The following ERCC8 variants were observed in gnomAD, a reference collection of about 807,000 sequenced individuals.
ERCC8 encodes the protein DNA excision repair protein ERCC-8.
Under a neutral mutation model 54.9 loss-of-function variants are expected in ERCC8, and 52 were observed. That is an observed-to-expected ratio of 0.95 (90% CI 0.76 to 1.19). ERCC8 has a LOEUF of 1.19. Among genes scored for constraint, ERCC8 ranks in the 50% most tolerant of loss-of-function variants. The probability of loss-of-function intolerance (pLI) is 0.00; values close to 1 mark genes in which losing one functional copy is unlikely to be tolerated. For synonymous variants in ERCC8, 146 were observed against 157.2 expected (o/e 0.93, Z 0.53); for missense variants, 514 against 466.1 (o/e 1.10, Z -0.95).
At chr5:60,927,903 G>C (rs1466048689) in intron 2 of ERCC8, among the ~76,000 whole-genome samples, 1 of 152,140 alleles carries the variant, frequency 6.6e-6, no homozygotes, top group African/African-American at 2.4e-5. Context: ...AGTAAAAAGT[G>C]GAAGTTTATC....
intron 5 of ERCC8, among the ~76,000 whole-genome samples, 144 bp downstream of exon 5, chr5:60,904,628 GTGTGTGTATATATATATATA>G (rs1196845966): frequency 0.018 from 1,225 of 67,800 alleles, 79 homozygotes; most frequent in African/African-American, 0.045. Context: ...TATAGTGTGT[GTGTGTGTATATATATATATA>G]TATATATATA....
intron 2 of ERCC8, among the ~76,000 whole-genome samples, chr5:60,923,520 C>T (rs1470900512): frequency 6.6e-6 from 1 of 151,944 alleles, no homozygotes; most frequent in Non-Finnish European, 1.5e-5. Flanking sequence ...TAGGAAATAA[C>T]AATAGTTGAT....
intron 11 of ERCC8, among the ~76,000 whole-genome samples, chr5:60,885,094 C>A (rs1395190200): frequency 6.6e-6 from 1 of 151,924 alleles, no homozygotes; most frequent in East Asian, 1.9e-4. Context: ...CTCACTGTAG[C>A]CTTGAACTCT....
chr5:60,885,714 T>C (rs1748374511), intron 11 of ERCC8, among the ~76,000 whole-genome samples: 1 of 151,656 alleles, frequency 6.6e-6, no homozygotes, highest in African/African-American at 2.4e-5. Flanking sequence ...TATTTTTTTC[T>C]CTTTATTTGG....
At chr5:60,899,515 A>C (rs1748811425) in intron 8 of ERCC8, 112 bp downstream of exon 8, 3 of 756,896 alleles carry the variant, frequency 4.0e-6, no homozygotes, top group Non-Finnish European at 7.0e-6. Flanking sequence ...CCTTTTGAAA[A>C]ATCATAAAGT....
chr5:60,922,768 C>T (rs1235496066), intron 2 of ERCC8, among the ~76,000 whole-genome samples: 2 of 152,154 alleles, frequency 1.3e-5, no homozygotes. Flanking sequence ...TCTGCTAAAA[C>T]AACTGTCAAC....
chr5:60,944,437 G>C (rs1350454871), intron 1 of ERCC8, among the ~76,000 whole-genome samples: 1 of 152,088 alleles, frequency 6.6e-6, no homozygotes, highest in Non-Finnish European at 1.5e-5. Context: ...TCCTCATCTA[G>C]TTTCTGTCTA....
At chr5:60,881,736 C>T (rs866384606) in intron 11 of ERCC8, among the ~76,000 whole-genome samples, 5 of 152,132 alleles carry the variant, frequency 3.3e-5, no homozygotes, top group Non-Finnish European at 5.9e-5. Flanking sequence ...GGGAGTGACC[C>T]GATTTTCCAG....
chr5:60,881,475 C>A (rs4546327), intron 11 of ERCC8, among the ~76,000 whole-genome samples: 2 of 152,162 alleles, frequency 1.3e-5, no homozygotes, highest in Admixed American at 6.5e-5. Context: ...CTACAGAGGC[C>A]GGCAGGCCTC....
At chr5:60,909,278 A>AAAAAAAAG (rs1749180489) in intron 4 of ERCC8, among the ~76,000 whole-genome samples, 3 of 120,754 alleles carry the variant, frequency 2.5e-5, no homozygotes, top group Admixed American at 9.3e-5. Context: ...AAAAAAAAAA[A>AAAAAAAAG]GCCACAAAGG....
In ERCC8 at chr5:60,872,287, A is replaced by C. The variant is rs1747879251; in HGVS notation, c.*2328T>G. Among the ~76,000 whole-genome samples the C allele has an allele frequency of 6.6e-6, 1 of 152,218 alleles. No individual in the cohort carries two copies. The highest frequency in any genetic ancestry group is 1.5e-5 in the Non-Finnish European group (1 of 68,032). Reference sequence around the variant, plus strand: ...ACGATCTCAAAAGCACAGTAACAAAAGCACAAGTACAGAAATGAAATTACA... The same window carrying C: ...ACGATCTCAAAAGCACAGTAACAAACGCACAAGTACAGAAATGAAATTACA... On this transcript the variant is annotated 3_prime_UTR_variant, in exon 12 of 12. Transcript: ENST00000676185.
chr5:60,941,206 A>G (rs995618263), intron 1 of ERCC8, among the ~76,000 whole-genome samples: 2 of 152,236 alleles, frequency 1.3e-5, no homozygotes, highest in African/African-American at 4.8e-5. Context: ...AACAGATGTT[A>G]AAACAGAAAG....
At chr5:60,916,921 A>G (rs1397019429) in intron 4 of ERCC8, among the ~76,000 whole-genome samples, 2 of 152,060 alleles carry the variant, frequency 1.3e-5, no homozygotes, top group Admixed American at 1.3e-4. Context: ...GGAAGTAACA[A>G]TCTAGAACAA....
chr5:60,924,927 TTA>T (rs1333270219), intron 2 of ERCC8, among the ~76,000 whole-genome samples: 2 of 152,144 alleles, frequency 1.3e-5, no homozygotes, highest in African/African-American at 4.8e-5. Flanking sequence ...CTCTCATTTA[TTA>T]TATGTTTATA....
At chr5:60,891,910 A>G (rs1438284794) in intron 9 of ERCC8, 2 of 487,742 alleles carry the variant, frequency 4.1e-6, no homozygotes, top group Non-Finnish European at 8.3e-6. Flanking sequence ...TTGGATCGGA[A>G]GGGAAGTGAG....
At chr5:60,900,889 T>C (rs184698210) in intron 7 of ERCC8, 1 of 152,142 alleles carries the variant, frequency 6.6e-6, no homozygotes, top group East Asian at 1.9e-4. Flanking sequence ...CACCCAAGCA[T>C]AACCAGCACC....
At chr5:60,915,853 T>A (rs956271873) in intron 4 of ERCC8, among the ~76,000 whole-genome samples, 1 of 152,056 alleles carries the variant, frequency 6.6e-6, no homozygotes, top group African/African-American at 2.4e-5. Context: ...GCAACCTTAA[T>A]TCCCCTTCGT....
In ERCC8 at chr5:60,899,732, G is replaced by C. The variant is rs776792564; in HGVS notation, c.618-5C>G. On this transcript the variant is annotated splice_polypyrimidine_tract_variant and splice_region_variant and intron_variant, in intron 7 of 11. Transcript: ENST00000676185. ...AATTTTACTCTACTGTCAGCACTGAGAAGAAATAAATGTTACATTGACATA... is the reference window on the plus strand; with the variant it reads ...AATTTTACTCTACTGTCAGCACTGACAAGAAATAAATGTTACATTGACATA... 3 of 1,598,472 alleles carry C rather than the reference G, an allele frequency of 1.9e-6. No individual in the cohort carries two copies. Among genetic ancestry groups the C allele is most frequent in the Non-Finnish European group, 2.6e-6 (3 of 1,166,844 alleles).
At chr5:60,904,634 GTATATATATATATA>G (rs869039109) in intron 5 of ERCC8, among the ~76,000 whole-genome samples, 144 bp downstream of exon 5, 1,239 of 49,938 alleles carry the variant, frequency 0.025, 38 homozygotes, top group Middle Eastern at 0.064. Context: ...GTGTGTGTGT[GTATATATATATATA>G]TATATATATA....
Sources: gnomAD v4.1 joint callset for allele counts (sites outside exome capture counted in the v4.1 genomes callset) on GRCh38, gnomAD v4.1.1 for gene constraint, MANE v1.5 for transcripts, NCBI Gene and HGNC (gene_info 2026-07-23, HGNC 2026-07-21) for gene names.